Variants in CFAP97D1 observed in about 807,000 individuals in gnomAD.
CFAP97D1 encodes sperm axonemal maintenance protein CFAP97D1.
Under a neutral mutation model 20.5 loss-of-function variants are expected in CFAP97D1, and 15 were observed. The ratio of observed to expected loss-of-function variants is 0.73; its 90% CI spans 0.49 to 1.13. The LOEUF (loss-of-function observed/expected upper bound fraction) is 1.13, where lower values mean the gene tolerates loss of function less well. Ranked by LOEUF, CFAP97D1 falls within the 50% of genes most tolerant of loss-of-function variation. CFAP97D1 has a pLI of 0.00. For missense variants in CFAP97D1, 168 were observed against 202.9 expected (o/e 0.83, Z 1.04); for synonymous variants, 58 against 71.2 (o/e 0.82, Z 0.93).
intron 1 of CFAP97D1, 94 bp from the exon 2 acceptor site, chr17:43,781,025 C>A: frequency 1.1e-6 from 1 of 911,404 alleles, no homozygotes; most frequent in South Asian, 1.5e-5. Flanking sequence ...CGAAATTGTT[C>A]ATTAGTCAAG....
intron 1 of CFAP97D1, 90 bp from the exon 2 acceptor site, chr17:43,781,029 A>C: frequency 1.1e-6 from 1 of 934,198 alleles, no homozygotes; most frequent in African/African-American, 1.7e-5. Flanking sequence ...ATTGTTCATT[A>C]GTCAAGGACA....
At chr17:43,782,991 G>A (rs1369011893) in intron 3 of CFAP97D1, 189 bp from the exon 4 acceptor site, 11 of 627,118 alleles carry the variant, frequency 1.8e-5, no homozygotes, top group Admixed American at 2.9e-5. Flanking sequence ...ATAAACCTGC[G>A]AATGCGGTGC....
intron 1 of CFAP97D1, 30 bp from the exon 2 acceptor site, chr17:43,781,089 A>G (rs1347310676): frequency 6.6e-7 from 1 of 1,516,088 alleles, no homozygotes; most frequent in Non-Finnish European, 9.0e-7. Context: ...CTGTGATGTA[A>G]CATTGTTCCC....
Position 43,781,846 on chromosome 17 carries a change from C to A in CFAP97D1, c.268C>A (p.Arg90Ser). 1 of 1,551,392 alleles carries A rather than the reference C, an allele frequency of 6.4e-7. No individual in the cohort carries two copies. The highest frequency in any genetic ancestry group is 8.7e-7 in the Non-Finnish European group (1 of 1,146,740). The change falls in exon 3 of 6, where the codon CGC (arginine) becomes AGC (serine). Residue 90 changes from arginine to serine, a missense_variant. Transcript: ENST00000449302. The part of the protein sequence containing the change: ...QLCQKIANAH[R>S]GPAKVDCWNE... ...GTGTCAGAAAATCGCAAATGCCCAT[C>A]GCGGCCCTGCCAAGGTGGATTGCTG...
At chr17:43,782,977 T>G (rs1041189692) in intron 3 of CFAP97D1, 2 of 594,934 alleles carry the variant, frequency 3.4e-6, no homozygotes, top group Non-Finnish European at 5.9e-6. Context: ...TGAGGACCAC[T>G]GATATAAACC....
At chr17:43,783,360 C>A (rs976413843) in intron 4 of CFAP97D1, 57 bp downstream of exon 4, 14 of 1,536,334 alleles carry the variant, frequency 9.1e-6, no homozygotes, top group Non-Finnish European at 2.6e-6. Context: ...CGGTGTTCAG[C>A]CTAGAGAGAG....
In CFAP97D1 at chr17:43,781,864, G is replaced by A; in HGVS notation, c.286G>A (p.Asp96Asn). Residue 96 changes from aspartate (D) to asparagine (N), a missense_variant, in exon 3 of 6, where the codon GAT becomes AAT. By Grantham distance (23) the Asp-to-Asn change is conservative. Transcript: ENST00000449302. ...TGCCCATCGCGGCCCTGCCAAGGTG[G>A]ATTGCTGGAATGAATATTTTTCCAA... ...ANAHRGPAKV[D>N]CWNEYFSKSL... is the part of the protein sequence containing the mutation. 3 of 1,550,668 alleles carry A rather than the reference G, an allele frequency of 1.9e-6. No individual in the cohort carries two copies. Among genetic ancestry groups the A allele is most frequent in the Non-Finnish European group, 2.6e-6 (3 of 1,146,050 alleles).
At chr17:43,783,927 C>T (rs1164218249) in intron 5 of CFAP97D1, 34 bp downstream of exon 5, 6 of 1,495,022 alleles carry the variant, frequency 4.0e-6, no homozygotes, top group African/African-American at 1.4e-5. Flanking sequence ...ACTGTGACCA[C>T]AGCTGATACC....
chr17:43,782,510 A>G (rs1316332650), intron 3 of CFAP97D1, among the ~76,000 whole-genome samples: 3 of 152,180 alleles, frequency 2.0e-5, no homozygotes, highest in Non-Finnish European at 4.4e-5. Context: ...TGGGGCTATG[A>G]TGTGACATTC....
intron 4 of CFAP97D1, 138 bp downstream of exon 4, chr17:43,783,441 C>G (rs1259851825): frequency 8.3e-7 from 1 of 1,207,982 alleles, no homozygotes; most frequent in Non-Finnish European, 1.1e-6. Flanking sequence ...GAAAAACCAT[C>G]CAAAGCAAAC....
chr17:43,782,217 T>C (rs575655515), intron 3 of CFAP97D1, among the ~76,000 whole-genome samples: 1 of 152,192 alleles, frequency 6.6e-6, no homozygotes, highest in Non-Finnish European at 1.5e-5. Flanking sequence ...TGGTGGCTTA[T>C]AAACAACAAA....
At chr17:43,781,093 T>C (rs983184804) in intron 1 of CFAP97D1, 26 bp from the exon 2 acceptor site, 3 of 1,525,304 alleles carry the variant, frequency 2.0e-6, no homozygotes, top group Admixed American at 3.9e-5. Flanking sequence ...GATGTAACAT[T>C]GTTCCCTTTT....
Position 43,781,834 on chromosome 17 carries a change from G to A in CFAP97D1, c.256G>A (p.Ala86Thr), listed in dbSNP as rs535898355. Reference protein sequence around the residue: ...YENKQLCQKIANAHRGPAKVD... With the variant: ...YENKQLCQKITNAHRGPAKVD... ...AAACAAGCAACTGTGTCAGAAAATCGCAAATGCCCATCGCGGCCCTGCCAA... is the reference window on the plus strand; with the variant it reads ...AAACAAGCAACTGTGTCAGAAAATCACAAATGCCCATCGCGGCCCTGCCAA... Residue 86 changes from alanine (A) to threonine (T), a missense_variant, in exon 3 of 6, where the codon GCA (alanine) becomes ACA (threonine). Transcript: ENST00000449302. 20 of 1,551,622 alleles carry A rather than the reference G, an allele frequency of 1.3e-5. No individual in the cohort carries two copies. Among genetic ancestry groups the A allele is most frequent in the Admixed American group, 9.8e-5 (5 of 50,994 alleles).
At position 43,783,791 on chromosome 17, in the gene CFAP97D1, G is replaced by A. The variant is rs754597568; in HGVS notation, c.439-46G>A. 21 of 1,358,312 alleles carry A rather than the reference G, an allele frequency of 1.5e-5. No individual in the cohort carries two copies. In the South Asian group the frequency reaches 2.3e-4, roughly 15 times the overall value. 84.1% of individuals were successfully genotyped at this position (1,358,312 alleles called of 1,614,324 possible). A position where few individuals can be genotyped will look rare whatever the true frequency, so the allele number is the denominator to read the frequency against. On this transcript the variant is annotated intron_variant, in intron 4 of 5. Transcript: ENST00000449302. Reference sequence around the variant, plus strand: ...CCTGGGATTTAGAACTTCAGTAATAGCACCAATGCCCTGGCATTGACATAA... The same window carrying A: ...CCTGGGATTTAGAACTTCAGTAATAACACCAATGCCCTGGCATTGACATAA...
At chr17:43,780,701 T>G (rs770348938) in intron 1 of CFAP97D1, 115 bp downstream of exon 1, 14 of 1,196,792 alleles carry the variant, frequency 1.2e-5, no homozygotes, top group African/African-American at 3.1e-5. Flanking sequence ...TGGCCTTATC[T>G]GCTGAGTTTG....
chr17:43,783,153 C>A lies in CFAP97D1; in HGVS notation c.315-27C>A, dbSNP rs1242838583. 7 of 1,551,480 alleles carry A rather than the reference C, an allele frequency of 4.5e-6. No homozygotes were observed. In the Admixed American group the frequency reaches 1.4e-4, roughly 30 times the overall value. On this transcript the variant is annotated intron_variant, in intron 3 of 5. Transcript: ENST00000449302. ...GTCAAGATGAGCATTTCCTTCTTCA[C>A]CCATTTCGGGGTTTTGTGTTTTTCA... is the stretch of plus-strand genomic sequence containing the variant.
At chr17:43,781,306 TA>T in intron 2 of CFAP97D1, 117 bp downstream of exon 2, 1 of 832,510 alleles carries the variant, frequency 1.2e-6, no homozygotes, top group Non-Finnish European at 1.9e-6. Flanking sequence ...AAAGATTTGT[TA>T]ATACTCCTCC....
intron 3 of CFAP97D1, 58 bp downstream of exon 3, chr17:43,781,950 GT>G: frequency 1.7e-6 from 2 of 1,202,388 alleles, no homozygotes; most frequent in Non-Finnish European, 2.4e-6. Context: ...TTCCTCTTGG[GT>G]TTTAGTGTGA....
intron 1 of CFAP97D1, among the ~76,000 whole-genome samples, chr17:43,780,791 C>T (rs1164199877): frequency 6.6e-6 from 1 of 152,164 alleles, no homozygotes; most frequent in Admixed American, 6.5e-5. Flanking sequence ...CTTTAAACTC[C>T]TTAAAGCCGA....
Sources: allele counts gnomAD v4.1 joint callset (sites outside exome capture counted in the v4.1 genomes callset), GRCh38; gene constraint gnomAD v4.1.1; transcripts MANE v1.5; gene names NCBI Gene and HGNC (gene_info 2026-07-23, HGNC 2026-07-21).